The following SCEL variants were observed in gnomAD, a reference collection of about 807,000 sequenced individuals.
The protein encoded by SCEL is sciellin.
In SCEL, 113 loss-of-function variants were observed where a neutral mutation model predicts 117.6. The observed-to-expected ratio is 0.96, with a 90% confidence interval of 0.83 to 1.12. The LOEUF (loss-of-function observed/expected upper bound fraction) is 1.12, where lower values mean the gene tolerates loss of function less well. Ranked by LOEUF, SCEL falls within the 50% of genes most tolerant of loss-of-function variation. SCEL has a pLI of 0.00. For missense variants in SCEL, 785 were observed against 810.8 expected, an observed-to-expected ratio of 0.97 and a Z score of 0.39; for synonymous variants, 270 against 256.2, an observed-to-expected ratio of 1.05 and a Z score of -0.51.
Position 77,637,155 on chromosome 13 carries a change from C to G in SCEL, c.1799C>G (p.Ser600Cys). ...SPKDGYQENI[S>C]GKYIQTVYST... The stretch of plus-strand genomic sequence containing the variant: ...AAGGATGGATATCAGGAGAATATCT[C>G]TGGAAAATACATACAAACTGTTTAT... Residue 600 changes from serine (S) to cysteine (C), a missense_variant, in exon 30 of 33, where the codon TCT becomes TGT. By Grantham distance (112) the Ser-to-Cys change is moderately radical. Transcript: ENST00000349847. 6.4e-7 allele frequency: 1 copy of G among 1,558,964 alleles called. No individual in the cohort carries two copies. The highest frequency in any genetic ancestry group is 8.7e-7 in the Non-Finnish European group (1 of 1,154,266).
At chr13:77,593,004 C>T (rs987353717) in intron 11 of SCEL, among the ~76,000 whole-genome samples, 2 of 152,164 alleles carry the variant, frequency 1.3e-5, no homozygotes, top group Admixed American at 6.6e-5. Flanking sequence ...AGAAGACAAA[C>T]ATTTTCACCC....
At chr13:77,607,594 A>G (rs1047030380) in intron 19 of SCEL, among the ~76,000 whole-genome samples, 1 of 152,228 alleles carries the variant, frequency 6.6e-6, no homozygotes, top group Non-Finnish European at 1.5e-5. Context: ...TGTGATAGAA[A>G]AATCTGCTAA....
At chr13:77,599,659 C>A in intron 14 of SCEL, 30 bp from the exon 15 acceptor site, 2 of 1,515,124 alleles carry the variant, frequency 1.3e-6, no homozygotes, top group Middle Eastern at 1.7e-4. Context: ...CAGTATGCAG[C>A]CTTTTATGTG....
chr13:77,556,465 A>G (rs528259308), intron 2 of SCEL, 131 bp from the exon 3 acceptor site: 9 of 706,854 alleles, frequency 1.3e-5, no homozygotes, highest in African/African-American at 8.8e-5. Context: ...CCTACTTTGA[A>G]ACAGTACTGG....
chr13:77,591,586 A>C, intron 11 of SCEL, 126 bp downstream of exon 11: 1 of 600,798 alleles, frequency 1.7e-6, no homozygotes, highest in Non-Finnish European at 2.9e-6. Context: ...CTGACTCCAA[A>C]ATATTAATAA....
intron 9 of SCEL, among the ~76,000 whole-genome samples, chr13:77,582,592 G>C (rs1252382825): frequency 6.6e-6 from 1 of 152,102 alleles, no homozygotes; most frequent in Non-Finnish European, 1.5e-5. Context: ...TGAGTTTTGA[G>C]AGTTTCAAAA....
At chr13:77,574,999 A>G (rs999562922) in intron 9 of SCEL, among the ~76,000 whole-genome samples, 1 of 152,032 alleles carries the variant, frequency 6.6e-6, no homozygotes, top group Admixed American at 6.5e-5. Context: ...TCTCTCATAC[A>G]TCTTTTTCTG....
chr13:77,628,650 T>G (rs2089886502), intron 28 of SCEL, among the ~76,000 whole-genome samples: 1 of 152,174 alleles, frequency 6.6e-6, no homozygotes, highest in Non-Finnish European at 1.5e-5. Flanking sequence ...GAGGGAATAC[T>G]AAACACAATA....
chr13:77,564,129 A>G (rs1384138193), intron 5 of SCEL, among the ~76,000 whole-genome samples: 2 of 151,746 alleles, frequency 1.3e-5, no homozygotes, highest in African/African-American at 4.8e-5. Flanking sequence ...AAATATTCTT[A>G]GAGACACTGA....
chr13:77,599,936 G>A (rs1187061484), intron 15 of SCEL, 188 bp downstream of exon 15: 2 of 559,516 alleles, frequency 3.6e-6, no homozygotes, highest in East Asian at 2.9e-5. Context: ...CCCTGGGCAA[G>A]TTGTGTAATT....
intron 10 of SCEL, 87 bp downstream of exon 10, chr13:77,589,311 C>A: frequency 1.0e-6 from 1 of 957,928 alleles, no homozygotes; most frequent in Non-Finnish European, 1.6e-6. Context: ...GTGGGCAAAG[C>A]ATGAATGTTT....
intron 3 of SCEL, among the ~76,000 whole-genome samples, chr13:77,557,971 G>A (rs574857954): frequency 1.2e-4 from 18 of 152,270 alleles, no homozygotes; most frequent in Middle Eastern, 6.8e-3. Flanking sequence ...GGAAATATAT[G>A]GGTGTTTAGA....
intron 29 of SCEL, among the ~76,000 whole-genome samples, chr13:77,634,767 A>G (rs1055257886): frequency 6.6e-6 from 1 of 152,220 alleles, no homozygotes; most frequent in African/African-American, 2.4e-5. Context: ...AAAATGCACA[A>G]CTATTCCTAT....
Position 77,591,475 on chromosome 13 carries a change from A to G in SCEL, c.692+15A>G. 3 of 1,374,278 alleles carry G rather than the reference A, an allele frequency of 2.2e-6. No homozygotes were observed. Among genetic ancestry groups the G allele is most frequent in the African/African-American group, 1.4e-5 (1 of 69,996 alleles). 85.1% of individuals were successfully genotyped at this position (1,374,278 alleles called of 1,614,324 possible). A position where few individuals can be genotyped will look rare whatever the true frequency, so the allele number is the denominator to read the frequency against. Reference sequence around the variant, plus strand: ...AGAAATATAAGGTACACTGATTTCTATTTATATCTATGTAACTGTAGTAAT... The same window carrying G: ...AGAAATATAAGGTACACTGATTTCTGTTTATATCTATGTAACTGTAGTAAT... On this transcript the variant is annotated intron_variant, in intron 11 of 32. Coordinates refer to ENST00000349847, the MANE Select transcript of SCEL (RefSeq NM_144777.3).
At chr13:77,603,214 C>A in intron 18 of SCEL, 79 bp downstream of exon 18, 1 of 820,332 alleles carries the variant, frequency 1.2e-6, no homozygotes, top group Non-Finnish European at 1.9e-6. Flanking sequence ...TTTTTAGCTT[C>A]ATAATCGTGT....
At chr13:77,586,192 G>A (rs146100794) in intron 9 of SCEL, among the ~76,000 whole-genome samples, 6 of 152,208 alleles carry the variant, frequency 3.9e-5, no homozygotes, top group African/African-American at 1.4e-4. Context: ...CAAAATCCAT[G>A]CAGAGGATCC....
chr13:77,586,426 C>T (rs1279391933), intron 9 of SCEL, among the ~76,000 whole-genome samples: 1 of 152,152 alleles, frequency 6.6e-6, no homozygotes, highest in Non-Finnish European at 1.5e-5. Context: ...ATCACAATCA[C>T]CAGTCCATTA....
At chr13:77,579,563 A>G (rs2086152005) in intron 9 of SCEL, among the ~76,000 whole-genome samples, 2 of 152,194 alleles carry the variant, frequency 1.3e-5, no homozygotes, top group Admixed American at 1.3e-4. Context: ...CCAGGAGTAC[A>G]AAAAGGAGTA....
chr13:77,604,198 T>C, intron 18 of SCEL, 158 bp from the exon 19 acceptor site: 1 of 486,642 alleles, frequency 2.1e-6, no homozygotes, highest in Non-Finnish European at 3.5e-6. Flanking sequence ...TCAGCTCAAG[T>C]TGTAAGAGAA....
Sources: gnomAD v4.1 joint callset for allele counts (sites outside exome capture counted in the v4.1 genomes callset) on GRCh38, gnomAD v4.1.1 for gene constraint, MANE v1.5 for transcripts, NCBI Gene and HGNC (gene_info 2026-07-23, HGNC 2026-07-21) for gene names.